KDM4C: variants seen among roughly 807,000 people sequenced by gnomAD.
KDM4C encodes the protein lysine demethylase 4C.
In KDM4C, 81 loss-of-function variants were observed where a neutral mutation model predicts 129.3. The ratio of observed to expected loss-of-function variants is 0.63; its 90% CI spans 0.52 to 0.75. KDM4C has a LOEUF of 0.75. Ranked by LOEUF, KDM4C falls within the 30% of genes least tolerant of loss-of-function variation. The probability of loss-of-function intolerance (pLI) is 0.00; values close to 1 mark genes in which losing one functional copy is unlikely to be tolerated. For missense variants in KDM4C, 1,457 were observed against 1,304.0 expected, an observed-to-expected ratio of 1.12 and a Z score of -1.81; for synonymous variants, 573 against 456.1, an observed-to-expected ratio of 1.26 and a Z score of -3.26.
intron 1 of KDM4C, among the ~76,000 whole-genome samples, chr9:6,724,309 C>G (rs1005669751): frequency 1.3e-5 from 2 of 152,114 alleles, no homozygotes; most frequent in Admixed American, 1.3e-4. Flanking sequence ...CTGGTATACT[C>G]CATTTAAGCA....
rs796324705 is a variant in KDM4C at position 6,989,953 on chromosome 9, T to TAA, written c.1678-461_1678-460dup. Reference sequence around the variant, plus strand: ...CTATACCTGGCTATTTTTTTTTTTTTAAATTATTGACACAGAGTCTCCCTA... The same window carrying TAA: ...CTATACCTGGCTATTTTTTTTTTTTTAAAAATTATTGACACAGAGTCTCCCTA... On this transcript the variant is annotated intron_variant, in intron 11 of 21. Transcript: ENST00000381309. Among the ~76,000 whole-genome samples, 77 of 150,094 alleles carry TAA rather than the reference T, an allele frequency of 5.1e-4. 1 individual carries two copies. The highest frequency in any genetic ancestry group is 4.5e-3 in the East Asian group (23 of 5,102).
At chr9:6,940,392 T>C (rs1825730234) in intron 8 of KDM4C, among the ~76,000 whole-genome samples, 1 of 152,222 alleles carries the variant, frequency 6.6e-6, no homozygotes, top group South Asian at 2.1e-4. Flanking sequence ...ATGTGAACAA[T>C]TATTGCCCGC....
intron 8 of KDM4C, among the ~76,000 whole-genome samples, chr9:6,899,009 A>G (rs1010042116): frequency 1.3e-5 from 2 of 151,578 alleles, no homozygotes; most frequent in African/African-American, 4.8e-5. Flanking sequence ...AGTGTCTGAC[A>G]TGACATATAT....
chr9:6,799,530 G>T (rs904063175), intron 2 of KDM4C, among the ~76,000 whole-genome samples: 5 of 151,838 alleles, frequency 3.3e-5, no homozygotes, highest in Non-Finnish European at 5.9e-5. Context: ...GTCCAACTTC[G>T]GCTTGGCATG....
intron 1 of KDM4C, among the ~76,000 whole-genome samples, chr9:6,772,807 C>T (rs1014012213): frequency 6.6e-6 from 1 of 151,388 alleles, no homozygotes; most frequent in Middle Eastern, 3.2e-3. Context: ...GTTCTCCTGC[C>T]TCAGCCTCCT....
intron 8 of KDM4C, among the ~76,000 whole-genome samples, chr9:6,920,425 T>C (rs550204944): frequency 2.0e-5 from 3 of 152,236 alleles, no homozygotes; most frequent in African/African-American, 7.2e-5. Flanking sequence ...TAGCTGGGCT[T>C]GGTGGTGGGC....
chr9:6,799,672 A>C (rs1217868251), intron 2 of KDM4C, among the ~76,000 whole-genome samples: 6 of 150,454 alleles, frequency 4.0e-5, no homozygotes, highest in African/African-American at 1.5e-4. Context: ...CAAAACAGAA[A>C]AACATTTAAT....
chr9:6,740,408 T>C (rs1326073683), intron 1 of KDM4C, among the ~76,000 whole-genome samples: 1 of 152,114 alleles, frequency 6.6e-6, no homozygotes, highest in East Asian at 1.9e-4. Flanking sequence ...TTTCACCGTG[T>C]TAGCCAGGAT....
At chr9:6,847,026 C>T (rs1489159936) in intron 4 of KDM4C, among the ~76,000 whole-genome samples, 2 of 152,020 alleles carry the variant, frequency 1.3e-5, no homozygotes, top group African/African-American at 2.4e-5. Flanking sequence ...TGATCTCTAC[C>T]CTCTTCCCCT....
At chr9:6,938,682 T>C (rs1160495943) in intron 8 of KDM4C, among the ~76,000 whole-genome samples, 1 of 152,040 alleles carries the variant, frequency 6.6e-6, no homozygotes, top group African/African-American at 2.4e-5. Context: ...TTTTGAAGAG[T>C]TGTGTGTGGC....
intron 5 of KDM4C, among the ~76,000 whole-genome samples, chr9:6,855,111 T>A (rs747262922): frequency 3.3e-5 from 5 of 152,194 alleles, no homozygotes; most frequent in Admixed American, 6.5e-5. Context: ...TATGTATACA[T>A]GGCATGAAGT....
chr9:6,808,053 C>T (rs868021533), intron 3 of KDM4C, among the ~76,000 whole-genome samples: 9 of 88,618 alleles, frequency 1.0e-4, no homozygotes, highest in Non-Finnish European at 1.4e-4. Context: ...CGCCTCTGCC[C>T]GGCCGCCCCT....
chr9:6,807,548 G>T (rs951521799), intron 3 of KDM4C, among the ~76,000 whole-genome samples: 2 of 150,092 alleles, frequency 1.3e-5, no homozygotes, highest in Admixed American at 6.6e-5. Context: ...CATCTGGGAT[G>T]TGAGGAGCGC....
intron 17 of KDM4C, among the ~76,000 whole-genome samples, chr9:7,102,601 A>G (rs1206745688): frequency 6.6e-6 from 1 of 152,162 alleles, no homozygotes; most frequent in African/African-American, 2.4e-5. Context: ...AGATTAAGTC[A>G]CCGATCAGAT....
At chr9:6,797,805 A>G (rs981935628) in intron 2 of KDM4C, among the ~76,000 whole-genome samples, 1 of 152,254 alleles carries the variant, frequency 6.6e-6, no homozygotes, top group Non-Finnish European at 1.5e-5. Context: ...TTTCAAGGCA[A>G]GTAGTGCAAA....
At chr9:6,969,531 G>A (rs944083986) in intron 8 of KDM4C, among the ~76,000 whole-genome samples, 4 of 152,066 alleles carry the variant, frequency 2.6e-5, no homozygotes, top group Non-Finnish European at 5.9e-5. Flanking sequence ...TATATATACT[G>A]TTCCATTACT....
At chr9:6,793,800 C>T (rs1827221343) in intron 2 of KDM4C, among the ~76,000 whole-genome samples, 1 of 152,112 alleles carries the variant, frequency 6.6e-6, no homozygotes, top group Non-Finnish European at 1.5e-5. Context: ...GCCTCGGCTT[C>T]CCAAAGTGCG....
At chr9:7,019,529 G>C (rs1824278949) in intron 15 of KDM4C, among the ~76,000 whole-genome samples, 1 of 151,448 alleles carries the variant, frequency 6.6e-6, no homozygotes, top group South Asian at 2.1e-4. Flanking sequence ...TATTCAGTTT[G>C]AGACACGTGA....
At chr9:6,929,905 TATGGCTC>T (rs1177074865) in intron 8 of KDM4C, among the ~76,000 whole-genome samples, 1 of 152,216 alleles carries the variant, frequency 6.6e-6, no homozygotes, top group Non-Finnish European at 1.5e-5. Flanking sequence ...TTCTTTCTTT[TATGGCTC>T]ATAAGAAGTC....
Sources: gnomAD v4.1 joint callset for allele counts (sites outside exome capture counted in the v4.1 genomes callset) on GRCh38, gnomAD v4.1.1 for gene constraint, MANE v1.5 for transcripts, NCBI Gene and HGNC (gene_info 2026-07-23, HGNC 2026-07-21) for gene names.